Variants in DSCAM observed in about 807,000 individuals in gnomAD.
DSCAM encodes cell adhesion molecule DSCAM.
In DSCAM, 47 loss-of-function variants were observed where a neutral mutation model predicts 217.7. The observed-to-expected ratio is 0.22, with a 90% CI of 0.17 to 0.28. The LOEUF (loss-of-function observed/expected upper bound fraction) is 0.28, where lower values mean the gene tolerates loss of function less well. DSCAM is among the 10% of genes least tolerant of loss of function. The pLI is 1.00. For missense variants in DSCAM, 2,080 were observed against 2,618.3 expected, an observed-to-expected ratio of 0.79 and a Z score of 4.49; for synonymous variants, 1,056 against 1,015.3, an observed-to-expected ratio of 1.04 and a Z score of -0.76.
rs1453831146 is a variant in DSCAM, at chr21:40,012,995, T to C, written c.*39A>G. On this transcript the variant is annotated 3_prime_UTR_variant, in exon 33 of 33. Coordinates refer to ENST00000400454, the MANE Select transcript of DSCAM (RefSeq NM_001389.5). ...AAAAGGTAGCTTTGATTGAATTGTT[T>C]GAATTGTATTTACAACCGCTGTCCA... 1 of 1,316,352 alleles carries C rather than the reference T, an allele frequency of 7.6e-7. No individual in the cohort carries two copies. Among genetic ancestry groups the C allele is most frequent in the Non-Finnish European group, 9.9e-7 (1 of 1,013,432 alleles). 81.5% of individuals were successfully genotyped at this position (1,316,352 alleles called of 1,614,324 possible). A position where few individuals can be genotyped will look rare whatever the true frequency, so the allele number is the denominator to read the frequency against.
intron 1 of DSCAM, among the ~76,000 whole-genome samples, chr21:40,768,912 G>A (rs566318373): frequency 1.8e-3 from 270 of 152,342 alleles, no homozygotes; most frequent in African/African-American, 6.2e-3. Flanking sequence ...GGAAGGTGGA[G>A]GCCCAATTGA....
At chr21:40,119,923 T>C (rs909622459) in intron 20 of DSCAM, among the ~76,000 whole-genome samples, 6 of 152,084 alleles carry the variant, frequency 3.9e-5, no homozygotes, top group African/African-American at 1.4e-4. Flanking sequence ...CTCCTTGAGA[T>C]TCCTGCACAT....
chr21:40,757,549 T>C (rs918698457), intron 1 of DSCAM, among the ~76,000 whole-genome samples: 2 of 152,166 alleles, frequency 1.3e-5, no homozygotes, highest in Admixed American at 6.5e-5. Flanking sequence ...ATGCAAGCAG[T>C]TGGGAAGGGC....
At chr21:40,344,123 T>G (rs2074531890) in intron 6 of DSCAM, among the ~76,000 whole-genome samples, 1 of 152,088 alleles carries the variant, frequency 6.6e-6, no homozygotes, top group African/African-American at 2.4e-5. Context: ...GGTCTCAAAC[T>G]CCTGACCTCG....
rs753394641 is a variant in DSCAM, at chr21:40,093,895, G to A, written c.3697-21C>T. The A allele has an allele frequency of 3.1e-6, 5 of 1,601,410 alleles. No individual in the cohort carries two copies. The African/African-American group carries it at 6.7e-5, about 21-fold the overall frequency. On this transcript the variant is annotated intron_variant, in intron 20 of 32. Transcript: ENST00000400454. ...ATCACCTGTAAAAAGAGACATAAGT[G>A]TTCCCACATTCAAAGAAGCATGTGG...
chr21:40,528,198 T>C (rs978480728), intron 3 of DSCAM, among the ~76,000 whole-genome samples: 6 of 152,194 alleles, frequency 3.9e-5, no homozygotes, highest in Admixed American at 1.3e-4. Flanking sequence ...CCATATTTAA[T>C]GGTGAAATTC....
At chr21:40,148,686 C>T (rs931697340) in intron 16 of DSCAM, among the ~76,000 whole-genome samples, 1 of 151,960 alleles carries the variant, frequency 6.6e-6, no homozygotes, top group African/African-American at 2.4e-5. Context: ...ATGCCACTCC[C>T]TCAGGTCCCC....
intron 3 of DSCAM, among the ~76,000 whole-genome samples, chr21:40,577,072 T>C (rs1411077772): frequency 6.6e-6 from 1 of 151,886 alleles, no homozygotes; most frequent in South Asian, 2.1e-4. Flanking sequence ...TGTGAATTTA[T>C]ATATCATAAA....
intron 3 of DSCAM, among the ~76,000 whole-genome samples, chr21:40,455,582 C>T (rs1369453988): frequency 6.6e-6 from 1 of 152,078 alleles, no homozygotes; most frequent in East Asian, 1.9e-4. Flanking sequence ...GCCTGGCCAA[C>T]ATAGCGAAAC....
intron 3 of DSCAM, among the ~76,000 whole-genome samples, chr21:40,640,727 C>T (rs9979558): frequency 0.21 from 31,586 of 151,840 alleles, 3,670 homozygotes; most frequent in South Asian, 0.25. Flanking sequence ...CTCAATCTGC[C>T]GTTAGTAATT....
At chr21:40,730,918 A>G (rs2091004919) in intron 1 of DSCAM, among the ~76,000 whole-genome samples, 1 of 152,230 alleles carries the variant, frequency 6.6e-6, no homozygotes, top group Non-Finnish European at 1.5e-5. Context: ...TGTTTAGCCC[A>G]TAGAAAGTAA....
chr21:40,272,270 G>A (rs190190285), intron 11 of DSCAM, among the ~76,000 whole-genome samples: 8 of 152,122 alleles, frequency 5.3e-5, no homozygotes, highest in South Asian at 2.1e-4. Context: ...CCTCCTAATC[G>A]TTATCTCACA....
At chr21:40,589,849 C>T (rs902404350) in intron 3 of DSCAM, among the ~76,000 whole-genome samples, 2 of 152,144 alleles carry the variant, frequency 1.3e-5, no homozygotes, top group African/African-American at 4.8e-5. Context: ...CTGCTTTGTC[C>T]TCTGGTAGCT....
chr21:40,194,981 A>G (rs1437700396), intron 11 of DSCAM, among the ~76,000 whole-genome samples: 1 of 152,220 alleles, frequency 6.6e-6, no homozygotes, highest in Admixed American at 6.5e-5. Flanking sequence ...CACTATATTA[A>G]TAATTTTAAA....
chr21:40,266,154 GA>G (rs1166999418), intron 11 of DSCAM, among the ~76,000 whole-genome samples: 1 of 151,940 alleles, frequency 6.6e-6, no homozygotes, highest in African/African-American at 2.4e-5. Flanking sequence ...AAATCAGCAA[GA>G]AAAAACAGAT....
intron 3 of DSCAM, among the ~76,000 whole-genome samples, chr21:40,451,440 A>G (rs2075718607): frequency 6.6e-6 from 1 of 152,160 alleles, no homozygotes; most frequent in Non-Finnish European, 1.5e-5. Flanking sequence ...TCCACATCAA[A>G]CACATGAGAT....
chr21:40,118,119 C>T (rs1216960327), intron 20 of DSCAM, among the ~76,000 whole-genome samples: 1 of 152,120 alleles, frequency 6.6e-6, no homozygotes, highest in African/African-American at 2.4e-5. Flanking sequence ...TTTTGAATGT[C>T]TTTAGGTAAA....
chr21:40,243,928 T>C (rs995428129), intron 11 of DSCAM, among the ~76,000 whole-genome samples: 2 of 152,200 alleles, frequency 1.3e-5, no homozygotes, highest in South Asian at 2.1e-4. Context: ...TCATTTCCCA[T>C]CTGTGATGTT....
chr21:40,759,936 G>A (rs2091313728), intron 1 of DSCAM, among the ~76,000 whole-genome samples: 1 of 151,798 alleles, frequency 6.6e-6, no homozygotes, highest in African/African-American at 2.4e-5. Flanking sequence ...TGAAGAATCA[G>A]GAGCTGTATT....
Sources: allele counts gnomAD v4.1 joint callset (sites outside exome capture counted in the v4.1 genomes callset), GRCh38; gene constraint gnomAD v4.1.1; transcripts MANE v1.5; gene names NCBI Gene and HGNC (gene_info 2026-07-23, HGNC 2026-07-21).